The following MYEF2 variants were observed in gnomAD, a reference collection of about 807,000 sequenced individuals.
The protein encoded by MYEF2 is myelin gene expression factor 2.
A neutral mutation model predicts 75.2 loss-of-function variants in MYEF2; 37 were observed. That is an observed-to-expected ratio of 0.49 (90% CI 0.38 to 0.65). MYEF2 has a LOEUF of 0.65. MYEF2 is among the 30% of genes least tolerant of loss of function. The probability of loss-of-function intolerance (pLI) is 0.00; values close to 1 mark genes in which losing one functional copy is unlikely to be tolerated. For missense variants in MYEF2, 634 were observed against 771.4 expected, an observed-to-expected ratio of 0.82 and a Z score of 2.11; for synonymous variants, 195 against 241.6, an observed-to-expected ratio of 0.81 and a Z score of 1.79.
chr15:48,168,626 G>C lies in MYEF2; in HGVS notation c.370+5C>G. The C allele has an allele frequency of 6.2e-7, 1 of 1,606,952 alleles. No individual in the cohort carries two copies. The highest frequency in any genetic ancestry group is 8.5e-7 in the Non-Finnish European group (1 of 1,174,284). ...CCAACAGTGGGTTATTTCAGAGATA[G>C]TTACCTTTCTCTCTCATTAGATCTT... is the stretch of plus-strand genomic sequence containing the variant. On this transcript the variant is annotated splice_donor_5th_base_variant and intron_variant, in intron 2 of 16. Coordinates refer to ENST00000324324, the MANE Select transcript of MYEF2 (RefSeq NM_016132.5).
chr15:48,158,273 A>T (rs1203010880), intron 7 of MYEF2, 49 bp from the exon 8 acceptor site: 1 of 1,540,970 alleles, frequency 6.5e-7, no homozygotes, highest in Non-Finnish European at 8.9e-7. Context: ...TAAAATTATA[A>T]CAGAACACAA....
In MYEF2 at chr15:48,140,902, T is replaced by C; in HGVS notation, c.*2006A>G. On this transcript the variant is annotated 3_prime_UTR_variant, in exon 17 of 17. Transcript: ENST00000324324. ...TAGCTGTTACGTATCTTTAGATATG[T>C]CATTAAAAATCTGTGCTACCTGGGT... is the stretch of plus-strand genomic sequence containing the variant. The C allele has an allele frequency of 6.8e-6, 3 of 440,986 alleles. No individual in the cohort carries two copies. Among genetic ancestry groups the C allele is most frequent in the Non-Finnish European group, 4.2e-6 (1 of 240,370 alleles). The allele number at this position is 440,986 out of a possible 1,614,324, so 27.3% of individuals were successfully genotyped here.
rs945834273 is a variant in MYEF2 at position 48,178,174 on chromosome 15, G to A, written c.64C>T (p.Pro22Ser). The change falls in exon 1 of 17, where the codon CCC (proline) becomes TCC (serine). Residue 22 changes from proline to serine, a missense_variant. By Grantham distance (74) the Pro-to-Ser change is moderately conservative. Coordinates refer to ENST00000324324, the MANE Select transcript of MYEF2 (RefSeq NM_016132.5). ...CGCGGCTCGCCCGGCGGCTCTGCGG[G>A]CTGCAGGTGCGGGCTGTCGCCACCA... ...ATGGDSPHLQ[P>S]AEPPGEPRRE... is the part of the protein sequence containing the mutation. 6.5e-7 allele frequency: 1 copy of A among 1,544,952 alleles called. No homozygotes were observed. Among genetic ancestry groups the A allele is most frequent in the Non-Finnish European group, 8.7e-7 (1 of 1,145,976 alleles).
chr15:48,165,621 A>G (rs1253603880), intron 5 of MYEF2, among the ~76,000 whole-genome samples: 2 of 152,032 alleles, frequency 1.3e-5, no homozygotes, highest in Non-Finnish European at 2.9e-5. Context: ...AAATCTAAAT[A>G]TTGAAAATGT....
intron 1 of MYEF2, among the ~76,000 whole-genome samples, chr15:48,175,013 C>T (rs968348291): frequency 6.6e-6 from 1 of 152,022 alleles, no homozygotes; most frequent in African/African-American, 2.4e-5. Context: ...ATCCACAATA[C>T]CCAAGATATG....
intron 16 of MYEF2, among the ~76,000 whole-genome samples, chr15:48,148,549 T>C (rs1458021562): frequency 1.3e-5 from 2 of 151,964 alleles, no homozygotes; most frequent in Non-Finnish European, 2.9e-5. Context: ...CTGTGTTGGG[T>C]AGGAATACAG....
At chr15:48,157,158 G>A (rs1229035479) in intron 9 of MYEF2, 1 of 152,036 alleles carries the variant, frequency 6.6e-6, no homozygotes, top group Non-Finnish European at 1.5e-5. Context: ...TTTATTGAGT[G>A]TTTACATTAT....
Position 48,149,511 on chromosome 15 carries a change from T to A in MYEF2, c.1379-140A>T. Reference sequence around the variant, plus strand: ...GAAGGGGGAAATTAATTTGTTTATATAATTAAATAATATAAAAACATAAAA... The same window carrying A: ...GAAGGGGGAAATTAATTTGTTTATAAAATTAAATAATATAAAAACATAAAA... On this transcript the variant is annotated intron_variant, in intron 14 of 16. Coordinates refer to ENST00000324324, the MANE Select transcript of MYEF2 (RefSeq NM_016132.5). This position sits in a 1 kb window ranked among gnomAD's most constrained non-coding sequence, Gnocchi z 4.0. 3.8e-6 allele frequency: 2 copies of A among 521,606 alleles called. No homozygotes were observed. Among genetic ancestry groups the A allele is most frequent in the Admixed American group, 6.9e-5 (2 of 28,828 alleles). The allele number at this position is 521,606 out of a possible 1,614,324, so 32.3% of individuals were successfully genotyped here.
At chr15:48,154,559 G>T (rs1447867252) in intron 9 of MYEF2, among the ~76,000 whole-genome samples, 1 of 152,064 alleles carries the variant, frequency 6.6e-6, no homozygotes, top group African/African-American at 2.4e-5. Context: ...AAGAAAGGAC[G>T]ATTCAACAAA....
At chr15:48,173,175 C>T (rs537042556) in intron 1 of MYEF2, among the ~76,000 whole-genome samples, 7 of 152,110 alleles carry the variant, frequency 4.6e-5, no homozygotes, top group South Asian at 4.2e-4. Context: ...ATATCAGGGA[C>T]GCAAGGATGA....
At chr15:48,158,698 C>A (rs2039806320) in intron 7 of MYEF2, 71 bp downstream of exon 7, 3 of 1,569,924 alleles carry the variant, frequency 1.9e-6, no homozygotes, top group African/African-American at 2.7e-5. Flanking sequence ...TTCAATTACC[C>A]CCCGCCAAAA....
intron 5 of MYEF2, among the ~76,000 whole-genome samples, chr15:48,163,237 T>G (rs2040014344): frequency 6.6e-6 from 1 of 152,212 alleles, no homozygotes; most frequent in Non-Finnish European, 1.5e-5. Flanking sequence ...AGATGCTTCT[T>G]GAACTATTAA....
rs2038977728 is a variant in MYEF2 at position 48,139,133 on chromosome 15, TC to T, written c.*3774del. The stretch of plus-strand genomic sequence containing the variant: ...CTTTTTCATGTCTGCAATATGGATA[TC>T]CGCATTTACATATATCCTGGTTTGG... On this transcript the variant is annotated 3_prime_UTR_variant, in exon 17 of 17. Coordinates refer to ENST00000324324, the MANE Select transcript of MYEF2 (RefSeq NM_016132.5). The T allele has an allele frequency of 6.2e-7, 1 of 1,612,992 alleles. No individual in the cohort carries two copies. The highest frequency in any genetic ancestry group is 2.2e-5 in the East Asian group (1 of 44,756).
Position 48,178,271 on chromosome 15 carries a change from G to A in MYEF2, c.-34C>T, listed in dbSNP as rs993609389. 2.8e-5 allele frequency: 38 copies of A among 1,372,534 alleles called. No individual in the cohort carries two copies. In the African/African-American group the frequency reaches 4.2e-4, roughly 15 times the overall value. 85.0% of individuals were successfully genotyped at this position (1,372,534 alleles called of 1,614,324 possible). ...CGCTGCCTCCGCCTCGGCCGCCTGAGCTGAGGGGCTCCGAGCGCGACAATG... is the reference window on the plus strand; with the variant it reads ...CGCTGCCTCCGCCTCGGCCGCCTGAACTGAGGGGCTCCGAGCGCGACAATG... On this transcript the variant is annotated 5_prime_UTR_variant, in exon 1 of 17. Coordinates refer to ENST00000324324, the MANE Select transcript of MYEF2 (RefSeq NM_016132.5).
intron 16 of MYEF2, among the ~76,000 whole-genome samples, chr15:48,146,963 T>C (rs1465907435): frequency 6.6e-6 from 1 of 151,912 alleles, no homozygotes; most frequent in Non-Finnish European, 1.5e-5. Flanking sequence ...ATATAGGGAA[T>C]TGTGTAAATA....
intron 16 of MYEF2, among the ~76,000 whole-genome samples, chr15:48,144,990 T>C (rs1241274815): frequency 1.3e-5 from 2 of 151,934 alleles, no homozygotes; most frequent in Admixed American, 1.3e-4. Flanking sequence ...TTGCATAATC[T>C]GTCTCTCGAT....
In MYEF2 at chr15:48,136,881, A is replaced by G; in HGVS notation, c.*6027T>C. 6.2e-7 allele frequency: 1 copy of G among 1,613,898 alleles called. No homozygotes were observed. Among genetic ancestry groups the G allele is most frequent in the Non-Finnish European group, 8.5e-7 (1 of 1,179,828 alleles). ...AACCATTCATTCGTCGGCAATCAAG[A>G]ACTGATAGTGGAATATTTTATGAAG... On this transcript the variant is annotated 3_prime_UTR_variant, in exon 17 of 17. Coordinates refer to ENST00000324324, the MANE Select transcript of MYEF2 (RefSeq NM_016132.5).
chr15:48,150,172 T>C (rs2039438997), intron 14 of MYEF2, among the ~76,000 whole-genome samples: 1 of 151,890 alleles, frequency 6.6e-6, no homozygotes, highest in African/African-American at 2.4e-5. Context: ...ATTCTAAAAA[T>C]TAACATCACC....
chr15:48,162,341 A>G (rs1380323908), intron 5 of MYEF2, among the ~76,000 whole-genome samples: 1 of 152,156 alleles, frequency 6.6e-6, no homozygotes, highest in African/African-American at 2.4e-5. Context: ...AATAGCCAAC[A>G]CTAAATGGTT....
Sources: gnomAD v4.1 joint callset for allele counts (sites outside exome capture counted in the v4.1 genomes callset) on GRCh38, gnomAD v4.1.1 for gene constraint, Gnocchi (gnomAD v3.1) non-coding constraint, MANE v1.5 for transcripts, NCBI Gene and HGNC (gene_info 2026-07-23, HGNC 2026-07-21) for gene names.